The following PRELID2 variants were observed in gnomAD, a reference collection of about 807,000 sequenced individuals.
PRELID2 encodes PRELI domain containing 2, also known as PRELI domain-containing protein 2.
A neutral mutation model predicts 28.4 loss-of-function variants in PRELID2; 25 were observed. The observed-to-expected ratio is 0.88, with a 90% CI of 0.64 to 1.23. The LOEUF (loss-of-function observed/expected upper bound fraction) is 1.23, where lower values mean the gene tolerates loss of function less well. Among genes scored for constraint, PRELID2 ranks in the 50% most tolerant of loss-of-function variants. The probability of loss-of-function intolerance (pLI) is 0.00; values close to 1 mark genes in which losing one functional copy is unlikely to be tolerated. For missense variants in PRELID2, 201 were observed against 214.4 expected (o/e 0.94, Z 0.39); for synonymous variants, 76 against 71.6 (o/e 1.06, Z -0.31).
chr5:145,657,579 G>C (rs1487577497), intron 1 of PRELID2, among the ~76,000 whole-genome samples: 1 of 152,172 alleles, frequency 6.6e-6, no homozygotes, highest in Non-Finnish European at 1.5e-5. Flanking sequence ...TAGCTACTCG[G>C]AAGGTTGAGG....
intron 1 of PRELID2, among the ~76,000 whole-genome samples, chr5:145,746,795 T>C (rs1185503562): frequency 7.2e-5 from 11 of 152,178 alleles, no homozygotes; most frequent in African/African-American, 2.7e-4. Flanking sequence ...AAAAAACTCC[T>C]GAGCAAATGC....
chr5:145,783,736 G>A (rs543875457), intron 5 of PRELID2, among the ~76,000 whole-genome samples: 1 of 152,288 alleles, frequency 6.6e-6, no homozygotes, highest in Non-Finnish European at 1.5e-5. Context: ...GAACAAGCAG[G>A]AAATGCAAGT....
At chr5:145,683,741 A>C (rs1225809124) in intron 1 of PRELID2, among the ~76,000 whole-genome samples, 1 of 152,128 alleles carries the variant, frequency 6.6e-6, no homozygotes. Flanking sequence ...GCTTCAACAC[A>C]TGAATTGTAG....
intron 1 of PRELID2, among the ~76,000 whole-genome samples, chr5:145,689,986 C>CTT (rs749912789): frequency 0.024 from 2,753 of 114,828 alleles, 103 homozygotes; most frequent in African/African-American, 0.078. Flanking sequence ...CTGTGGGGGT[C>CTT]TTTTTTTTTT....
At chr5:145,769,297 C>T (rs563256275) in intron 5 of PRELID2, among the ~76,000 whole-genome samples, 125 of 152,258 alleles carry the variant, frequency 8.2e-4, no homozygotes, top group African/African-American at 2.8e-3. Context: ...TGAGCTATCT[C>T]GCAGGTTCAT....
chr5:145,677,310 A>T (rs1196664046), intron 1 of PRELID2, among the ~76,000 whole-genome samples: 1 of 151,504 alleles, frequency 6.6e-6, no homozygotes, highest in African/African-American at 2.4e-5. Flanking sequence ...GTGTGCCACC[A>T]CGCCCAGCTA....
chr5:145,587,356 A>G (rs569449780), intron 1 of PRELID2, among the ~76,000 whole-genome samples: 1 of 152,290 alleles, frequency 6.6e-6, no homozygotes, highest in Admixed American at 6.5e-5. Flanking sequence ...GTTTACTTCT[A>G]GCCTTCGGGC....
chr5:145,817,431 A>ATATT (rs150907304), intron 4 of PRELID2, among the ~76,000 whole-genome samples: 3 of 136,552 alleles, frequency 2.2e-5, no homozygotes, highest in Non-Finnish European at 4.8e-5. Context: ...TTATATATAT[A>ATATT]TATATATATA....
intron 1 of PRELID2, among the ~76,000 whole-genome samples, chr5:145,565,700 CTG>C (rs1419099413): frequency 6.6e-6 from 1 of 152,228 alleles, no homozygotes; most frequent in Non-Finnish European, 1.5e-5. Flanking sequence ...AGTAGTAAAT[CTG>C]TGCCTGGATT....
intron 1 of PRELID2, among the ~76,000 whole-genome samples, chr5:145,614,867 T>C (rs1230166634): frequency 8.5e-5 from 13 of 152,188 alleles, no homozygotes. Context: ...AATACTATGT[T>C]GAAGAGGAGT....
intron 1 of PRELID2, among the ~76,000 whole-genome samples, chr5:145,479,203 G>T (rs1752134446): frequency 6.6e-6 from 1 of 152,036 alleles, no homozygotes; most frequent in African/African-American, 2.4e-5. Context: ...CTTAAAACTT[G>T]CCCCAGATCC....
chr5:145,731,546 G>C (rs1243232511), intron 1 of PRELID2, among the ~76,000 whole-genome samples: 7 of 152,152 alleles, frequency 4.6e-5, no homozygotes, highest in Admixed American at 3.3e-4. Context: ...ATCATTCTTA[G>C]CCTTACTGTT....
intron 1 of PRELID2, among the ~76,000 whole-genome samples, chr5:145,614,765 C>A (rs1259503918): frequency 1.3e-5 from 2 of 152,090 alleles, no homozygotes; most frequent in Non-Finnish European, 2.9e-5. Flanking sequence ...ACAATCATAT[C>A]ATCAGCAAAC....
intron 1 of PRELID2, among the ~76,000 whole-genome samples, chr5:145,740,677 T>A (rs1283142534): frequency 1.7e-4 from 7 of 40,458 alleles, no homozygotes; most frequent in South Asian, 7.2e-4. Context: ...AAATATATAT[T>A]TTATATTTAA....
chr5:145,718,973 A>G (rs1033315294), intron 1 of PRELID2, among the ~76,000 whole-genome samples: 1 of 152,100 alleles, frequency 6.6e-6, no homozygotes, highest in Non-Finnish European at 1.5e-5. Context: ...TGGGAAAAAG[A>G]AGGTGACTGA....
chr5:145,474,647 T>C (rs1016341051), intron 1 of PRELID2, among the ~76,000 whole-genome samples: 1 of 152,120 alleles, frequency 6.6e-6, no homozygotes, highest in Non-Finnish European at 1.5e-5. Context: ...ACCCAACAAA[T>C]GGGTTCAAGT....
At chr5:145,732,932 A>C (rs1040446040) in intron 1 of PRELID2, among the ~76,000 whole-genome samples, 1 of 152,112 alleles carries the variant, frequency 6.6e-6, no homozygotes, top group African/African-American at 2.4e-5. Context: ...TCAACTCTTC[A>C]TTATCCAAGG....
At chr5:145,426,472 T>C in the PRELID2 span, among the ~76,000 whole-genome samples, 1 of 152,122 alleles carries the variant, frequency 6.6e-6, no homozygotes, top group East Asian at 1.9e-4. Flanking sequence ...TGAGGTAAAT[T>C]CCCCATGAAG....
chr5:145,738,716 G>A (rs1290914209), intron 1 of PRELID2, among the ~76,000 whole-genome samples: 1 of 152,090 alleles, frequency 6.6e-6, no homozygotes, highest in Non-Finnish European at 1.5e-5. Flanking sequence ...TCTAACTCCT[G>A]TCATCATAAT....
Sources: allele counts gnomAD v4.1 joint callset (sites outside exome capture counted in the v4.1 genomes callset), GRCh38; gene constraint gnomAD v4.1.1; transcripts MANE v1.5; gene names NCBI Gene and HGNC (gene_info 2026-07-23, HGNC 2026-07-21).